PIEZO2: variants seen among roughly 807,000 people sequenced by gnomAD.
PIEZO2 encodes the protein piezo-type mechanosensitive ion channel component 2.
A neutral mutation model predicts 337.3 loss-of-function variants in PIEZO2; 172 were observed. The observed-to-expected ratio is 0.51, with a 90% CI of 0.45 to 0.58. The LOEUF is 0.58. Ranked by LOEUF, PIEZO2 falls within the 20% of genes least tolerant of loss-of-function variation. The pLI, the probability that PIEZO2 is intolerant of heterozygous loss-of-function variation, is 0.00. For missense variants in PIEZO2, 3,028 were observed against 3,391.3 expected (o/e 0.89, Z 2.66); for synonymous variants, 1,251 against 1,228.5 (o/e 1.02, Z -0.38).
intron 3 of PIEZO2, among the ~76,000 whole-genome samples, chr18:10,931,717 A>C (rs59309533): frequency 3.9e-4 from 57 of 147,208 alleles, no homozygotes; most frequent in Admixed American, 6.7e-4. Flanking sequence ...TGTGTGTGAG[A>C]GAGAGAGAGA....
Position 10,762,593 on chromosome 18 carries a change from A to T in PIEZO2, c.3156T>A (p.Asn1052Lys). 3 of 1,537,146 alleles carry T rather than the reference A, an allele frequency of 2.0e-6. No homozygotes were observed. The highest frequency in any genetic ancestry group is 2.4e-5 in the South Asian group (2 of 83,984). ...TGTAGAGCAGAGACTTGTTCAACTCATTAAAGGGGATGTTTGTTTGATTTT... is the reference window on the plus strand; with the variant it reads ...TGTAGAGCAGAGACTTGTTCAACTCTTTAAAGGGGATGTTTGTTTGATTTT... ...PNENQTNIPF[N>K]ELNKSLLYSA... is the part of the protein sequence containing the mutation. The change falls in exon 23 of 56, where the codon AAT becomes AAA. Residue 1052 changes from asparagine to lysine, a missense_variant. By Grantham distance (94) the Asn-to-Lys change is moderately conservative (BLOSUM62 0). This residue lies in a region of PIEZO2 where 1,925 missense variants were observed against 2,051.9 expected (regional missense o/e 0.94). Coordinates refer to ENST00000674853, the MANE Select transcript of PIEZO2 (RefSeq NM_001378183.1).
rs115557062 is a variant in PIEZO2 at position 10,982,531 on chromosome 18, C to T, written c.161-2871G>A. Reference sequence around the variant, plus strand: ...AAAATGCCAGTAGAAACTTTTACACCTTTGACAAGTATATTTCAAAATATG... The same window carrying T: ...AAAATGCCAGTAGAAACTTTTACACTTTTGACAAGTATATTTCAAAATATG... On this transcript the variant is annotated intron_variant, in intron 2 of 55. Transcript: ENST00000674853. This position sits in a 1 kb window ranked among gnomAD's most constrained non-coding sequence, Gnocchi z 4.1. Among the ~76,000 whole-genome samples the T allele has an allele frequency of 5.2e-3, 791 of 152,134 alleles. 6 individuals are homozygous for T. The highest frequency in any genetic ancestry group is 0.018 in the African/African-American group (755 of 41,504).
intron 3 of PIEZO2, among the ~76,000 whole-genome samples, chr18:10,944,322 CCAAG>C (rs1477756659): frequency 6.6e-6 from 1 of 151,252 alleles, no homozygotes; most frequent in Non-Finnish European, 1.5e-5. Context: ...AATAAAAAGA[CCAAG>C]AAAGAAACAA....
intron 4 of PIEZO2, among the ~76,000 whole-genome samples, chr18:10,898,547 G>A (rs1230871304): frequency 9.9e-5 from 15 of 152,178 alleles, no homozygotes; most frequent in South Asian, 4.1e-4. Context: ...GGTGGGGGAC[G>A]TCCTGAATAT....
intron 2 of PIEZO2, among the ~76,000 whole-genome samples, chr18:11,043,790 C>T (rs768311916): frequency 8.5e-5 from 13 of 152,068 alleles, no homozygotes; most frequent in Non-Finnish European, 1.3e-4. Context: ...CTGCCTCAGC[C>T]TCCTGAGTAG....
At chr18:10,719,346 CT>C (rs2036158177) in intron 36 of PIEZO2, among the ~76,000 whole-genome samples, 1 of 152,132 alleles carries the variant, frequency 6.6e-6, no homozygotes, top group African/African-American at 2.4e-5. Flanking sequence ...CTCAATCCCC[CT>C]GTCCCCAACT....
At chr18:11,005,648 T>G (rs1395567931) in intron 2 of PIEZO2, among the ~76,000 whole-genome samples, 1 of 152,236 alleles carries the variant, frequency 6.6e-6, no homozygotes, top group Non-Finnish European at 1.5e-5. Flanking sequence ...CCCAGTGGCG[T>G]GAGAGGCCCA....
intron 4 of PIEZO2, among the ~76,000 whole-genome samples, chr18:10,885,143 AG>A (rs1028754567): frequency 6.6e-6 from 1 of 152,006 alleles, no homozygotes; most frequent in African/African-American, 2.4e-5. Context: ...GAGGGAATAA[AG>A]CCGGGCGTGG....
intron 3 of PIEZO2, among the ~76,000 whole-genome samples, chr18:10,947,745 T>C (rs1350540145): frequency 6.6e-6 from 1 of 152,194 alleles, no homozygotes; most frequent in Non-Finnish European, 1.5e-5. Context: ...AAGATGAATG[T>C]TCAAACAAAT....
intron 33 of PIEZO2, 46 bp downstream of exon 33, chr18:10,740,985 T>C (rs1321539021): frequency 4.6e-6 from 7 of 1,511,000 alleles, no homozygotes; most frequent in South Asian, 2.4e-5. Flanking sequence ...GTCAAGGATA[T>C]AAGGGTTAGA....
chr18:10,860,923 C>T (rs1598596733), intron 5 of PIEZO2, among the ~76,000 whole-genome samples: 1 of 152,136 alleles, frequency 6.6e-6, no homozygotes, highest in Non-Finnish European at 1.5e-5. Context: ...ATACAGAAAT[C>T]CCTGGGGCTG....
rs1195052342 is a variant in PIEZO2, at chr18:10,863,821, T to G, written c.493-6610A>C. Among the ~76,000 whole-genome samples, 1 of 152,146 alleles carries G rather than the reference T, an allele frequency of 6.6e-6. No individual in the cohort carries two copies. The highest frequency in any genetic ancestry group is 1.9e-4 in the East Asian group (1 of 5,200). ...TGTTTAAAGGCTTTTTTCTTTAAGA[T>G]ATTTTTGTAAAAATCACTTAATGGA... On this transcript the variant is annotated intron_variant, in intron 5 of 55. Coordinates refer to ENST00000674853, the MANE Select transcript of PIEZO2 (RefSeq NM_001378183.1). The surrounding 1 kb of genome is among the most constrained non-coding windows in gnomAD (Gnocchi z 4.3).
intron 2 of PIEZO2, among the ~76,000 whole-genome samples, chr18:11,039,126 G>A (rs1030961212): frequency 8.5e-5 from 13 of 152,160 alleles, no homozygotes; most frequent in Non-Finnish European, 1.8e-4. Context: ...AGAACAGAAC[G>A]AATACAACCT....
At position 10,988,659 on chromosome 18, in the gene PIEZO2, A is replaced by G. The variant is rs2034973409; in HGVS notation, c.161-8999T>C. 6.6e-6 allele frequency among the ~76,000 whole-genome samples: 1 copy of G among 152,206 alleles called. No individual in the cohort carries two copies. The highest frequency in any genetic ancestry group is 2.4e-5 in the African/African-American group (1 of 41,458). ...GTTTACTACAGCATTATGCAAAACAACCAAGATATGGAAACATCCTAAATG... is the reference window on the plus strand; with the variant it reads ...GTTTACTACAGCATTATGCAAAACAGCCAAGATATGGAAACATCCTAAATG... On this transcript the variant is annotated intron_variant, in intron 2 of 55. Coordinates refer to ENST00000674853, the MANE Select transcript of PIEZO2 (RefSeq NM_001378183.1). The surrounding 1 kb of genome is among the most constrained non-coding windows in gnomAD (Gnocchi z 4.8).
chr18:11,066,823 C>T (rs915259508), intron 1 of PIEZO2, among the ~76,000 whole-genome samples: 9 of 152,214 alleles, frequency 5.9e-5, no homozygotes, highest in African/African-American at 1.9e-4. Flanking sequence ...TGGTCTTGAA[C>T]TCTTGACCTC....
intron 27 of PIEZO2, among the ~76,000 whole-genome samples, chr18:10,753,784 T>C (rs996924334): frequency 3.9e-5 from 6 of 152,258 alleles, no homozygotes; most frequent in African/African-American, 1.4e-4. Context: ...AAGTTGTGCC[T>C]TGGTACATTT....
At chr18:10,709,466 C>T (rs2035728438) in intron 39 of PIEZO2, 1 of 152,254 alleles carries the variant, frequency 6.6e-6, no homozygotes, top group Non-Finnish European at 1.5e-5. Context: ...CTGGCTGACC[C>T]AGGGAACAGA....
Position 10,806,990 on chromosome 18 carries a change from G to A in PIEZO2, c.1080+122C>T, listed in dbSNP as rs1413752425. On this transcript the variant is annotated intron_variant, in intron 8 of 55. Transcript: ENST00000674853. ...TTGCAGAATTAAAACATCATACCCA[G>A]AACACTAGAGTTGTGTTGGAATAGA... 9 of 1,013,804 alleles carry A rather than the reference G, an allele frequency of 8.9e-6. No homozygotes were observed. The South Asian group carries it at 9.6e-5, about 11-fold the overall frequency. 62.8% of individuals were successfully genotyped at this position (1,013,804 alleles called of 1,614,324 possible). A position where few individuals can be genotyped will look rare whatever the true frequency, so the allele number is the denominator to read the frequency against.
chr18:10,964,146 C>T (rs1434403803), intron 3 of PIEZO2, among the ~76,000 whole-genome samples: 1 of 152,010 alleles, frequency 6.6e-6, no homozygotes, highest in Non-Finnish European at 1.5e-5. Flanking sequence ...AGTCTCTATA[C>T]CAAATAATTT....
Sources: allele counts gnomAD v4.1 joint callset (sites outside exome capture counted in the v4.1 genomes callset), GRCh38; gene constraint gnomAD v4.1.1; regional missense constraint gnomAD v4.1.1; non-coding constraint Gnocchi (gnomAD v3.1); transcripts MANE v1.5; gene names NCBI Gene and HGNC (gene_info 2026-07-23, HGNC 2026-07-21).